Variants in DSE observed in about 807,000 individuals in gnomAD.
DSE encodes dermatan-sulfate epimerase.
In DSE, 36 loss-of-function variants were observed where a neutral mutation model predicts 84.4. The ratio of observed to expected loss-of-function variants is 0.43; its 90% CI spans 0.33 to 0.56. The LOEUF (loss-of-function observed/expected upper bound fraction) is 0.56. Among genes scored for constraint, DSE ranks in the 20% least tolerant of loss-of-function variants. The probability of loss-of-function intolerance (pLI) is 0.06; values close to 1 mark genes in which losing one functional copy is unlikely to be tolerated. For synonymous variants in DSE, 410 were observed against 430.1 expected (o/e 0.95, Z 0.58); for missense variants, 862 against 1,169.6 (o/e 0.74, Z 3.84).
intron 2 of DSE, among the ~76,000 whole-genome samples, chr6:116,318,228 C>CA (rs1776100966): frequency 6.6e-6 from 1 of 152,144 alleles, no homozygotes. Context: ...AAGTAGGGGC[C>CA]AGTCGTGGTG....
intron 2 of DSE, among the ~76,000 whole-genome samples, chr6:116,333,357 T>C (rs992933235): frequency 6.6e-6 from 1 of 152,128 alleles, no homozygotes; most frequent in African/African-American, 2.4e-5. Flanking sequence ...ATGGAAGGCA[T>C]CACATAGTGA....
At chr6:116,310,905 C>T (rs1775657417) in intron 2 of DSE, among the ~76,000 whole-genome samples, 1 of 152,142 alleles carries the variant, frequency 6.6e-6, no homozygotes. Flanking sequence ...CTTGTGTGGC[C>T]ACAGGGTCTC....
At chr6:116,325,147 C>A (rs566994864) in intron 2 of DSE, among the ~76,000 whole-genome samples, 19 of 152,320 alleles carry the variant, frequency 1.2e-4, no homozygotes, top group African/African-American at 4.6e-4. Context: ...GTCCTTCAGA[C>A]ACCAAAGCCT....
chr6:116,404,254 C>A (rs1044040179), intron 2 of DSE, among the ~76,000 whole-genome samples: 1 of 152,148 alleles, frequency 6.6e-6, no homozygotes, highest in African/African-American at 2.4e-5. Flanking sequence ...CATTACAGAT[C>A]CTGAATCACT....
At chr6:116,382,466 G>C (rs1325354623) in intron 1 of DSE, among the ~76,000 whole-genome samples, 13 of 152,156 alleles carry the variant, frequency 8.5e-5, no homozygotes, top group Admixed American at 7.9e-4. Flanking sequence ...GGATTTTGCT[G>C]TGCCCCCTGT....
chr6:116,412,086 T>C (rs985501051), intron 2 of DSE, among the ~76,000 whole-genome samples: 1 of 152,234 alleles, frequency 6.6e-6, no homozygotes, highest in Non-Finnish European at 1.5e-5. Context: ...TTTTATCCAC[T>C]GTACTGCCAA....
At chr6:116,299,551 T>TACAC (rs754431712) in intron 2 of DSE, among the ~76,000 whole-genome samples, 24 of 53,668 alleles carry the variant, frequency 4.5e-4, no homozygotes, top group Admixed American at 1.8e-3. Flanking sequence ...TATATATATA[T>TACAC]ACACATACAC....
At chr6:116,308,383 C>T (rs1366806295) in intron 2 of DSE, among the ~76,000 whole-genome samples, 3 of 151,982 alleles carry the variant, frequency 2.0e-5, no homozygotes, top group Non-Finnish European at 2.9e-5. Flanking sequence ...CTTGATGTGA[C>T]CTTGTTTACT....
chr6:116,304,971 A>G (rs1205427787), intron 2 of DSE, among the ~76,000 whole-genome samples: 2 of 152,014 alleles, frequency 1.3e-5, no homozygotes, highest in East Asian at 3.9e-4. Context: ...ATCTCACTTG[A>G]GCTCCATGAC....
intron 2 of DSE, among the ~76,000 whole-genome samples, chr6:116,317,007 G>GA (rs1000876933): frequency 6.6e-6 from 1 of 151,762 alleles, no homozygotes; most frequent in Non-Finnish European, 1.5e-5. Context: ...ATTCCTGTGA[G>GA]AAAAAAAATG....
At chr6:116,421,463 A>ATATATATATATATATTTT (rs1357496121) in intron 2 of DSE, among the ~76,000 whole-genome samples, 3 of 61,344 alleles carry the variant, frequency 4.9e-5, no homozygotes, top group Non-Finnish European at 8.0e-5. Context: ...ATATATATAT[A>ATATATATATATATATTTT]TTTTTTTTTT....
chr6:116,263,750 CT>C (rs1376199399), intron 2 of DSE, among the ~76,000 whole-genome samples: 2 of 152,148 alleles, frequency 1.3e-5, no homozygotes, highest in Non-Finnish European at 1.5e-5. Context: ...ATGATCTTTC[CT>C]TTCCACATTT....
chr6:116,308,221 G>C (rs537457203), intron 2 of DSE, among the ~76,000 whole-genome samples: 1 of 152,254 alleles, frequency 6.6e-6, no homozygotes, highest in East Asian at 1.9e-4. Context: ...AATACTGCCT[G>C]TTATATTGTA....
intron 2 of DSE, among the ~76,000 whole-genome samples, chr6:116,331,681 G>A (rs1417153387): frequency 1.3e-5 from 2 of 152,082 alleles, no homozygotes; most frequent in Non-Finnish European, 2.9e-5. Context: ...CAAGTAGGCC[G>A]GGCACAGTGG....
intron 2 of DSE, among the ~76,000 whole-genome samples, chr6:116,338,171 CTT>C (rs34751617): frequency 4.5e-5 from 2 of 44,472 alleles, no homozygotes; most frequent in Non-Finnish European, 1.1e-4. Context: ...CTTTCTGTCT[CTT>C]TCTCTTTCTT....
chr6:116,364,637 G>A (rs1389080728), intron 2 of DSE, among the ~76,000 whole-genome samples: 1 of 152,168 alleles, frequency 6.6e-6, no homozygotes, highest in African/African-American at 2.4e-5. Context: ...AGCCAGTATT[G>A]ACATCAAATA....
Position 116,441,641 on chromosome 6 carries a change from T to C in DSE, c.*4296T>C, listed in dbSNP as rs945775300. The C allele has an allele frequency of 6.6e-6, 1 of 152,180 alleles. No individual in the cohort carries two copies. The highest frequency in any genetic ancestry group is 6.5e-5 in the Admixed American group (1 of 15,268). The allele number at this position is 152,180 out of a possible 1,614,324, so 9.4% of individuals were successfully genotyped here. A position where few individuals can be genotyped will look rare whatever the true frequency, so the allele number is the denominator to read the frequency against. Reference sequence around the variant, plus strand: ...GAGGAGGCCATAATTTTAAATGTGGTGATCAGGTTAGGCTTTATTGATGTC... The same window carrying C: ...GAGGAGGCCATAATTTTAAATGTGGCGATCAGGTTAGGCTTTATTGATGTC... On this transcript the variant is annotated 3_prime_UTR_variant, in exon 6 of 6. Transcript: ENST00000644252.
At chr6:116,366,267 T>C (rs1779160322), upstream of DSE, 1 of 152,236 alleles carries the variant, frequency 6.6e-6, no homozygotes, top group South Asian at 2.1e-4. Flanking sequence ...AAGTCCTTGC[T>C]CTTATTTGAT....
chr6:116,284,811 T>A lies in DSE; in HGVS notation c.-54+25844T>A, dbSNP rs187433114. 1.1e-4 allele frequency among the ~76,000 whole-genome samples: 16 copies of A among 152,158 alleles called. No homozygotes were observed. The East Asian group carries it at 3.1e-3, about 29-fold the overall frequency. On this transcript the variant is annotated intron_variant, in intron 2 of 3. Transcript: ENST00000430252. The stretch of plus-strand genomic sequence containing the variant: ...TGCAATAGTTTGCTCAGAATGATGA[T>A]TTCCAGCTTCATCCATGTCACTACA...
Sources: gnomAD v4.1 joint callset for allele counts (sites outside exome capture counted in the v4.1 genomes callset) on GRCh38, gnomAD v4.1.1 for gene constraint, MANE v1.5 for transcripts, NCBI Gene and HGNC (gene_info 2026-07-23, HGNC 2026-07-21) for gene names.